The following FANCI variants were observed in gnomAD, a reference collection of about 807,000 sequenced individuals.
The protein encoded by FANCI is FA complementation group I.
In FANCI, 156 loss-of-function variants were observed where a neutral mutation model predicts 176.1. The ratio of observed to expected loss-of-function variants is 0.89; its 90% CI spans 0.78 to 1.01. FANCI has a LOEUF of 1.01. Among genes scored for constraint, FANCI ranks in the 50% least tolerant of loss-of-function variants. The probability of loss-of-function intolerance (pLI) is 0.00; values close to 1 mark genes in which losing one functional copy is unlikely to be tolerated. For synonymous variants in FANCI, 613 were observed against 541.7 expected (o/e 1.13, Z -1.83); for missense variants, 1,678 against 1,534.1 (o/e 1.09, Z -1.57).
In FANCI at chr15:89,273,398, A is replaced by G; in HGVS notation, c.904A>G (p.Asn302Asp). The G allele has an allele frequency of 6.2e-7, 1 of 1,604,658 alleles. No individual in the cohort carries two copies. The highest frequency in any genetic ancestry group is 2.2e-5 in the East Asian group (1 of 44,738). ...CTAGGTAGGACAGCAAGGAGATTCC[A>G]ATAATAACTTAAGTCCCTTCAGCAT... is the stretch of plus-strand genomic sequence containing the variant. ...HLKVGQQGDSNNNLSPFSIAL... is the reference protein window; with the variant it reads ...HLKVGQQGDSDNNLSPFSIAL... Residue 302 changes from asparagine (N) to aspartate (D), a missense_variant, in exon 11 of 38, where the codon AAT (asparagine) becomes GAT (aspartate). By Grantham distance (23) the Asn-to-Asp change is conservative. Transcript: ENST00000310775.
chr15:89,281,069 G>T, intron 14 of FANCI, 101 bp from the exon 15 acceptor site: 3 of 1,271,900 alleles, frequency 2.4e-6, no homozygotes, highest in African/African-American at 1.5e-5. Flanking sequence ...ACTTATTTGA[G>T]AAAGGAAACA....
At position 89,294,902 on chromosome 15, in the gene FANCI, T is replaced by G; in HGVS notation, c.2457-13T>G. ...ATCTTCCTTTTTCTTTCTCTCTCTC[T>G]GTCTCTCTCTAGGGATAGTATCCAA... is the stretch of plus-strand genomic sequence containing the variant. On this transcript the variant is annotated splice_polypyrimidine_tract_variant and intron_variant, in intron 23 of 37. Coordinates refer to ENST00000310775, the MANE Select transcript of FANCI (RefSeq NM_001113378.2). 1.9e-6 allele frequency: 3 copies of G among 1,549,648 alleles called. No homozygotes were observed. The highest frequency in any genetic ancestry group is 2.6e-6 in the Non-Finnish European group (3 of 1,146,410).
intron 37 of FANCI, 134 bp downstream of exon 37, chr15:89,315,523 CA>C: frequency 1.4e-6 from 1 of 704,880 alleles, no homozygotes; most frequent in Non-Finnish European, 2.6e-6. Context: ...AAGATGAGAG[CA>C]AAGGACTCTC....
chr15:89,307,946 T>C (rs1285977192), intron 34 of FANCI: 3 of 1,325,984 alleles, frequency 2.3e-6, no homozygotes, highest in Non-Finnish European at 2.9e-6. Flanking sequence ...GCTCAAGGAC[T>C]TGGTTTATTC....
chr15:89,285,367 G>A (rs917051700), intron 18 of FANCI, 149 bp downstream of exon 18: 1 of 1,115,748 alleles, frequency 9.0e-7, no homozygotes, highest in African/African-American at 1.6e-5. Context: ...TCAAAAAGTT[G>A]TTTAAGGCAG....
chr15:89,278,644 G>T lies in FANCI; in HGVS notation c.1294-43G>T, dbSNP rs778086194. ...ACATGCATTGATATACTTAAAAGCT[G>T]AAGGGTCACCCAGGAATATTTTATT... is the stretch of plus-strand genomic sequence containing the variant. On this transcript the variant is annotated intron_variant, in intron 13 of 37. Transcript: ENST00000310775. 1.5e-5 allele frequency: 23 copies of T among 1,502,026 alleles called. No homozygotes were observed. In the East Asian group the frequency reaches 4.7e-4, roughly 31 times the overall value. 93.0% of individuals were successfully genotyped at this position (1,502,026 alleles called of 1,614,324 possible). A position where few individuals can be genotyped will look rare whatever the true frequency, so the allele number is the denominator to read the frequency against.
At chr15:89,257,858 A>G (rs1199878610) in intron 2 of FANCI, among the ~76,000 whole-genome samples, 1 of 152,208 alleles carries the variant, frequency 6.6e-6, no homozygotes, top group Non-Finnish European at 1.5e-5. Flanking sequence ...TTAAACCCCC[A>G]TAACTCATTC....
chr15:89,264,019 C>A lies in FANCI; in HGVS notation c.662C>A (p.Ser221Tyr). The A allele has an allele frequency of 1.2e-6, 2 of 1,614,012 alleles. No individual in the cohort carries two copies. Among genetic ancestry groups the A allele is most frequent in the South Asian group, 1.1e-5 (1 of 91,062 alleles). ...TTGGTCTATCAGCTTCTGGTTCTCT[C>A]CTCCAAGGTACAAATGGAAAATTGT... ...PPLVYQLLVLSSKGSRKSVLE... is the reference protein window; with the variant it reads ...PPLVYQLLVLYSKGSRKSVLE... The change falls in exon 8 of 38, where the codon TCC (serine) becomes TAC (tyrosine). Residue 221 changes from serine (S) to tyrosine (Y), a missense_variant. Physicochemically the swap from Ser to Tyr is moderately radical, Grantham distance 144 (BLOSUM62 -2). Transcript: ENST00000310775.
intron 35 of FANCI, among the ~76,000 whole-genome samples, chr15:89,313,972 A>AACACACACAC (rs1555451175): frequency 1.2e-5 from 1 of 82,930 alleles, no homozygotes; most frequent in African/African-American, 4.9e-5. Context: ...AAGATATATA[A>AACACACACAC]TCACACACAC....
intron 2 of FANCI, among the ~76,000 whole-genome samples, chr15:89,252,248 C>T (rs1478535462): frequency 1.3e-5 from 2 of 148,318 alleles, no homozygotes; most frequent in Non-Finnish European, 3.0e-5. Context: ...TGCAGTGAGC[C>T]CAGATTGCAC....
chr15:89,279,179 T>C (rs2053520905), intron 14 of FANCI, among the ~76,000 whole-genome samples: 1 of 152,032 alleles, frequency 6.6e-6, no homozygotes, highest in South Asian at 2.1e-4. Flanking sequence ...TTGTTTCTTT[T>C]TTAGACACAG....
intron 17 of FANCI, 140 bp downstream of exon 17, chr15:89,283,390 G>A (rs2053691819): frequency 6.6e-6 from 7 of 1,061,574 alleles, no homozygotes; most frequent in African/African-American, 1.6e-5. Flanking sequence ...TGATGGTGCT[G>A]ATGATGATGA....
intron 6 of FANCI, among the ~76,000 whole-genome samples, chr15:89,262,835 T>C (rs1415519641): frequency 6.6e-6 from 1 of 152,248 alleles, no homozygotes; most frequent in Admixed American, 6.5e-5. Flanking sequence ...TAATCTACAA[T>C]TGTCAGATTA....
chr15:89,283,033 T>C, intron 16 of FANCI, 103 bp from the exon 17 acceptor site: 1 of 1,115,348 alleles, frequency 9.0e-7, no homozygotes, highest in Non-Finnish European at 1.4e-6. Context: ...CTTCATTGTT[T>C]ATACATATGC....
rs147128930 is a variant in FANCI, at chr15:89,257,928, C to T, written c.85-776C>T. 4.7e-3 allele frequency among the ~76,000 whole-genome samples: 722 copies of T among 152,324 alleles called. 3 individuals carry two copies. The highest frequency in any genetic ancestry group is 0.017 in the African/African-American group (690 of 41,572). On this transcript the variant is annotated intron_variant, in intron 2 of 37. Transcript: ENST00000310775. ...CTATCATCCCATTTCCTTCTTTTCTCTTTAGTAACTTCCGTTGCACTTAGA... is the reference window on the plus strand; with the variant it reads ...CTATCATCCCATTTCCTTCTTTTCTTTTTAGTAACTTCCGTTGCACTTAGA...
chr15:89,272,358 A>G (rs905923009), intron 10 of FANCI, among the ~76,000 whole-genome samples: 5 of 152,070 alleles, frequency 3.3e-5, no homozygotes, highest in Admixed American at 6.5e-5. Context: ...TATTTTTTCA[A>G]TAACTTTGTT....
Position 89,316,653 on chromosome 15 carries a change from A to T in FANCI, c.*194A>T. 1 of 1,211,386 alleles carries T rather than the reference A, an allele frequency of 8.3e-7. No homozygotes were observed. The allele number at this position is 1,211,386 out of a possible 1,614,324, so 75.0% of individuals were successfully genotyped here. On this transcript the variant is annotated 3_prime_UTR_variant, in exon 38 of 38. Coordinates refer to ENST00000310775, the MANE Select transcript of FANCI (RefSeq NM_001113378.2). Reference sequence around the variant, plus strand: ...ACTGAAAAATGGCTGGCCTTAGGCAAGCCCTTTTGCAAAAAGCACAGCTGA... The same window carrying T: ...ACTGAAAAATGGCTGGCCTTAGGCATGCCCTTTTGCAAAAAGCACAGCTGA...
intron 2 of FANCI, 61 bp from the exon 3 acceptor site, chr15:89,258,643 G>A: frequency 8.1e-7 from 1 of 1,240,628 alleles, no homozygotes; most frequent in East Asian, 2.3e-5. Context: ...CATATTGAGT[G>A]TTTAGGTCAT....
chr15:89,277,112 T>C (rs148441902), intron 13 of FANCI, among the ~76,000 whole-genome samples: 1 of 152,370 alleles, frequency 6.6e-6, no homozygotes, highest in East Asian at 1.9e-4. Flanking sequence ...TTATTCCACT[T>C]AATCCAATTG....
Sources: allele counts gnomAD v4.1 joint callset (sites outside exome capture counted in the v4.1 genomes callset), GRCh38; gene constraint gnomAD v4.1.1; transcripts MANE v1.5; gene names NCBI Gene and HGNC (gene_info 2026-07-23, HGNC 2026-07-21).